SYNE2: variants seen among roughly 807,000 people sequenced by gnomAD.
The protein encoded by SYNE2 is nesprin-2.
A neutral mutation model predicts 856.3 loss-of-function variants in SYNE2; 431 were observed. That is an observed-to-expected ratio of 0.50 (90% confidence interval 0.47 to 0.55). The LOEUF (loss-of-function observed/expected upper bound fraction) is 0.55. Ranked by LOEUF, SYNE2 falls within the 20% of genes least tolerant of loss-of-function variation. The probability of loss-of-function intolerance (pLI) is 0.00; values close to 1 mark genes in which losing one functional copy is unlikely to be tolerated. For synonymous variants in SYNE2, 2,923 were observed against 2,872.3 expected (o/e 1.02, Z -0.56); for missense variants, 8,129 against 8,023.2 (o/e 1.01, Z -0.50).
At chr14:64,165,490 T>C (rs919669805) in intron 90 of SYNE2, 80 bp downstream of exon 90, 14 of 1,479,274 alleles carry the variant, frequency 9.5e-6, no homozygotes, top group Middle Eastern at 4.8e-4. Context: ...TGTGAACTTA[T>C]GGAATGCTTG....
At chr14:64,104,050 T>A (rs1259110842) in intron 64 of SYNE2, among the ~76,000 whole-genome samples, 2 of 152,234 alleles carry the variant, frequency 1.3e-5, no homozygotes, top group Admixed American at 1.3e-4. Context: ...CAGCTCAGTA[T>A]GGTACTTTAA....
chr14:63,906,046 T>C (rs1479983751), intron 1 of SYNE2, among the ~76,000 whole-genome samples: 1 of 152,196 alleles, frequency 6.6e-6, no homozygotes, highest in Non-Finnish European at 1.5e-5. Context: ...AGTTTTTCTG[T>C]GTCTATTGAG....
chr14:64,045,392 G>GT (rs1291387382), intron 45 of SYNE2, among the ~76,000 whole-genome samples: 1 of 151,038 alleles, frequency 6.6e-6, no homozygotes, highest in Non-Finnish European at 1.5e-5. Context: ...GTGTTCCTCA[G>GT]GTCCAGTGTC....
intron 18 of SYNE2, 78 bp downstream of exon 18, chr14:63,983,964 G>A (rs537812896): frequency 1.6e-4 from 170 of 1,092,786 alleles, no homozygotes; most frequent in East Asian, 5.6e-4. Flanking sequence ...AGATATTGCC[G>A]GGCACGGTGG....
intron 8 of SYNE2, among the ~76,000 whole-genome samples, chr14:63,957,966 C>T (rs1859363804): frequency 6.6e-6 from 1 of 151,850 alleles, no homozygotes; most frequent in Admixed American, 6.6e-5. Context: ...CGCTCGAACC[C>T]GGGAGGTGGA....
intron 94 of SYNE2, among the ~76,000 whole-genome samples, chr14:64,171,096 A>T (rs926816333): frequency 2.0e-5 from 3 of 152,024 alleles, no homozygotes; most frequent in South Asian, 2.1e-4. Context: ...AAACTGATTT[A>T]AAAAAAATAA....
At chr14:64,186,282 G>T (rs540197470) in intron 96 of SYNE2, 142 bp from the exon 97 acceptor site, 5 of 1,052,072 alleles carry the variant, frequency 4.8e-6, no homozygotes, top group Non-Finnish European at 5.9e-6. Flanking sequence ...GCTCGTCTTG[G>T]GCTGTTTCCC....
intron 1 of SYNE2, among the ~76,000 whole-genome samples, chr14:63,784,474 G>A (rs1354594000): frequency 2.0e-5 from 3 of 150,274 alleles, no homozygotes; most frequent in Non-Finnish European, 4.4e-5. Flanking sequence ...TCCAGCCTGG[G>A]CAACAGAGTG....
chr14:64,034,966 A>G (rs1027025499), intron 45 of SYNE2, among the ~76,000 whole-genome samples: 1 of 150,566 alleles, frequency 6.6e-6, no homozygotes, highest in Non-Finnish European at 1.5e-5. Flanking sequence ...ATACAACATT[A>G]CAGCTTATCT....
intron 50 of SYNE2, among the ~76,000 whole-genome samples, chr14:64,065,096 C>T (rs2153592022): frequency 6.6e-6 from 1 of 152,250 alleles, no homozygotes; most frequent in South Asian, 2.1e-4. Context: ...ATCTCCTGAT[C>T]TCATGATCCA....
intron 1 of SYNE2, among the ~76,000 whole-genome samples, chr14:63,870,445 C>G (rs969639047): frequency 2.2e-5 from 3 of 133,788 alleles, no homozygotes; most frequent in Non-Finnish European, 4.7e-5. Flanking sequence ...CCCCCAGTTC[C>G]TGAAGAATTA....
At chr14:64,224,046 C>A (rs933494326) in intron 113 of SYNE2, among the ~76,000 whole-genome samples, 1 of 151,974 alleles carries the variant, frequency 6.6e-6, no homozygotes, top group Admixed American at 6.5e-5. Context: ...AGAAGAGCCC[C>A]TTCAGGAAAG....
At chr14:63,995,768 G>T (rs1047773947) in intron 23 of SYNE2, among the ~76,000 whole-genome samples, 15 of 109,142 alleles carry the variant, frequency 1.4e-4, no homozygotes, top group East Asian at 1.2e-3. Context: ...TATCTATCTA[G>T]ATATATATAA....
chr14:63,776,784 A>G (rs1398159959), intron 1 of SYNE2, among the ~76,000 whole-genome samples: 1 of 151,834 alleles, frequency 6.6e-6, no homozygotes, highest in Middle Eastern at 3.2e-3. Context: ...TATTTTTCGT[A>G]GAGATGGGGT....
At position 64,132,340 on chromosome 14, in the gene SYNE2, C is replaced by G. The variant is rs748900432; in HGVS notation, c.14416C>G (p.Gln4806Glu). 3.7e-6 allele frequency: 6 copies of G among 1,613,894 alleles called. No homozygotes were observed. Among genetic ancestry groups the G allele is most frequent in the Non-Finnish European group, 5.1e-6 (6 of 1,180,030 alleles). The stretch of plus-strand genomic sequence containing the variant: ...TGCCAAAATACTTCCTTCTTTATTG[C>G]AAAACAGAGAGACATTTTGGGCAGA... ...YSAKILPSLL[Q>E]NRETFWAEQV... Residue 4806 changes from glutamine (Q) to glutamate (E), a missense_variant, in exon 77 of 116, where the codon CAA (glutamine) becomes GAA (glutamate). Physicochemically the swap from Gln to Glu is conservative, Grantham distance 29 (BLOSUM62 2). This residue lies in a region of SYNE2 where 5,410 missense variants were observed against 5,284.8 expected (regional missense o/e 1.02). Coordinates refer to ENST00000555002, the MANE Select transcript of SYNE2 (RefSeq NM_182914.3).
At chr14:63,778,065 C>A (rs1005923852) in intron 1 of SYNE2, among the ~76,000 whole-genome samples, 40 of 152,152 alleles carry the variant, frequency 2.6e-4, no homozygotes, top group African/African-American at 9.7e-4. Context: ...TATGTCACCA[C>A]CCAAATCTCA....
intron 9 of SYNE2, among the ~76,000 whole-genome samples, chr14:63,962,517 C>T (rs1335768889): frequency 6.6e-6 from 1 of 152,094 alleles, no homozygotes; most frequent in Non-Finnish European, 1.5e-5. Context: ...TTCCGGTTTG[C>T]CTATTCTTTA....
chr14:63,968,118 G>A (rs1230164802), intron 11 of SYNE2, among the ~76,000 whole-genome samples: 12 of 152,018 alleles, frequency 7.9e-5, no homozygotes, highest in East Asian at 1.9e-4. Flanking sequence ...AGCCGGGATC[G>A]TACCACTGCT....
In SYNE2 at chr14:64,167,489, T is replaced by C; in HGVS notation, c.16761-6T>C. 3 of 1,614,246 alleles carry C rather than the reference T, an allele frequency of 1.9e-6. No individual in the cohort carries two copies. Among genetic ancestry groups the C allele is most frequent in the East Asian group, 2.2e-5 (1 of 44,888 alleles). ...CATGGGTGTGTTTTGTTTTAAACCT[T>C]TGTAGTGAGCTTCAGGGAATTGGAT... is the stretch of plus-strand genomic sequence containing the variant. On this transcript the variant is annotated splice_region_variant and splice_polypyrimidine_tract_variant and intron_variant, in intron 91 of 115. Transcript: ENST00000555002.
Sources: gnomAD v4.1 joint callset for allele counts (sites outside exome capture counted in the v4.1 genomes callset) on GRCh38, gnomAD v4.1.1 for gene constraint, gnomAD v4.1.1 regional missense constraint, MANE v1.5 for transcripts, NCBI Gene and HGNC (gene_info 2026-07-23, HGNC 2026-07-21) for gene names.